MUTYH: variants seen among roughly 807,000 people sequenced by gnomAD.
MUTYH encodes the protein mutY DNA glycosylase.
MUTYH carries 64 observed loss-of-function variants against 72.9 expected under a neutral mutation model. The observed-to-expected ratio is 0.88, with a 90% CI of 0.72 to 1.08. The LOEUF (loss-of-function observed/expected upper bound fraction) is 1.08. MUTYH is among the 50% of genes least tolerant of loss of function. The pLI, the probability that MUTYH is intolerant of heterozygous loss-of-function variation, is 0.00. For missense variants in MUTYH, 633 were observed against 671.0 expected, an observed-to-expected ratio of 0.94 and a Z score of 0.63; for synonymous variants, 234 against 263.1, an observed-to-expected ratio of 0.89 and a Z score of 1.07.
intron 14 of MUTYH, among the ~76,000 whole-genome samples, chr1:45,330,859 CG>C (rs1337795277): frequency 1.3e-5 from 2 of 151,368 alleles, no homozygotes; most frequent in Non-Finnish European, 2.9e-5. Context: ...CTGAGGCGGG[CG>C]GATCACTTGA....
At position 45,331,240 on chromosome 1, in the gene MUTYH, G is replaced by T. The variant is rs200844166; in HGVS notation, c.1334C>A (p.Ala445Asp). 1.1e-5 allele frequency: 18 copies of T among 1,614,130 alleles called. No individual in the cohort carries two copies. Residue 445 changes from alanine (A) to aspartate (D), a missense_variant, in exon 14 of 16, where the codon GCT becomes GAT. Transcript: ENST00000456914. ...QTPVTTVPPGARWLTQEEFHT... is the reference protein window; with the variant it reads ...QTPVTTVPPGDRWLTQEEFHT... ...AAATTCCTCCTGCGTCAGCCAGCGA[G>T]CACCTGGTGGTACGGTGGTCACTGG...
chr1:45,340,160 C>G, upstream of MUTYH: 1 of 1,601,924 alleles, frequency 6.2e-7, no homozygotes, highest in African/African-American at 1.3e-5. Context: ...ACGGCGAGAC[C>G]CCGCCCCATC....
Position 45,332,763 on chromosome 1 carries a change from C to T in MUTYH, c.492G>A (p.Lys164=), listed in dbSNP as rs876660092. The T allele has an allele frequency of 6.8e-6, 11 of 1,614,082 alleles. No individual in the cohort carries two copies. The highest frequency in any genetic ancestry group is 2.7e-5 in the African/African-American group (2 of 74,924). The change falls in exon 7 of 16, where the codon AAG becomes AAA. Residue 164 remains lysine, a splice_region_variant and synonymous_variant. Coordinates refer to ENST00000456914, the MANE Select transcript of MUTYH (RefSeq NM_001048174.2). ...TCCTACCCTCCTGCCATCCCCTTAC[C>T]TTCCGAGCTCCCTCCTGCAGCCGCC... ...RGRRLQEGAR[K]VVEELGGHMP...
At chr1:45,334,102 G>A in intron 2 of MUTYH, 2 of 416,582 alleles carry the variant, frequency 4.8e-6, no homozygotes, top group South Asian at 2.1e-5. Flanking sequence ...TGCCTTCCAG[G>A]CTCAAGCGAT....
chr1:45,337,458 C>G (rs1310428851), intron 1 of MUTYH, among the ~76,000 whole-genome samples: 1 of 152,102 alleles, frequency 6.6e-6, no homozygotes, highest in Non-Finnish European at 1.5e-5. Context: ...CGCCTGGTGA[C>G]ACCCCATTAT....
chr1:45,338,167 G>A, intron 1 of MUTYH: 2 of 517,496 alleles, frequency 3.9e-6, no homozygotes. Context: ...GAGGTGGGGA[G>A]AGGAGGGTCA....
At chr1:45,333,052 T>G (rs1317283582) in intron 5 of MUTYH, 45 bp downstream of exon 5, 2 of 1,613,220 alleles carry the variant, frequency 1.2e-6, no homozygotes, top group East Asian at 4.5e-5. Flanking sequence ...GAGGCTCTCA[T>G]CTGGGGTCTG....
Position 45,332,054 on chromosome 1 carries a change from G to C in MUTYH, c.882C>G (p.Ser294Arg), listed in dbSNP as rs138833473. 2 of 1,614,198 alleles carry C rather than the reference G, an allele frequency of 1.2e-6. No individual in the cohort carries two copies. Among genetic ancestry groups the C allele is most frequent in the Non-Finnish European group, 1.7e-6 (2 of 1,180,024 alleles). Residue 294 changes from serine to arginine, a missense_variant, in exon 11 of 16, where the codon AGC (serine) becomes AGG (arginine). Ser to Arg is a moderately radical substitution (Grantham distance 110). Coordinates refer to ENST00000456914, the MANE Select transcript of MUTYH (RefSeq NM_001048174.2). ...VEQEQLLASG[S>R]LSGSPDVEEC... is the part of the protein sequence containing the mutation. ...CCTCCACGTCAGGACTGCCCGACAG[G>C]CTCCCTGAGGCTAAGAGCTGTTCCT... is the stretch of plus-strand genomic sequence containing the variant.
chr1:45,329,559 G>A, intron 15 of MUTYH, 122 bp from the exon 16 acceptor site: 1 of 1,344,644 alleles, frequency 7.4e-7, no homozygotes, highest in Non-Finnish European at 1.0e-6. Context: ...CTGGAATGCT[G>A]TAGAGCTTTC....
At chr1:45,337,452 T>A (rs1321790039) in intron 1 of MUTYH, among the ~76,000 whole-genome samples, 3 of 152,122 alleles carry the variant, frequency 2.0e-5, no homozygotes, top group African/African-American at 7.2e-5. Flanking sequence ...CCACGGCGCC[T>A]GGTGACACCC....
Position 45,329,442 on chromosome 1 carries a change from G to GA in MUTYH, c.1435-6dup, listed in dbSNP as rs767042797. The GA allele has an allele frequency of 2.5e-6, 4 of 1,612,978 alleles. No individual in the cohort carries two copies. The highest frequency in any genetic ancestry group is 3.4e-6 in the Non-Finnish European group (4 of 1,179,614). ...CACCTGGGACCTTTTGGAACCCTGTGAAAAAATGGAAGGAGGGAGGCCTTG... is the reference window on the plus strand; with the variant it reads ...CACCTGGGACCTTTTGGAACCCTGTGAAAAAAATGGAAGGAGGGAGGCCTTG... On this transcript the variant is annotated splice_polypyrimidine_tract_variant and splice_region_variant and intron_variant, in intron 15 of 15. Coordinates refer to ENST00000456914, the MANE Select transcript of MUTYH (RefSeq NM_001048174.2).
rs2149090096 is a variant in MUTYH at position 45,329,430 on chromosome 1, T to C, written c.1442A>G (p.Lys481Arg). The change falls in exon 16 of 16, where the codon AAA (lysine) becomes AGA (arginine). Residue 481 changes from lysine (K) to arginine (R), a missense_variant. Physicochemically the swap from Lys to Arg is conservative, Grantham distance 26 (BLOSUM62 2). Transcript: ENST00000456914. ...GQQPGTCMGS[K>R]RSQVSSPCSR... The stretch of plus-strand genomic sequence containing the variant: ...GCACGGAGAGGACACCTGGGACCTT[T>C]TGGAACCCTGTGAAAAAATGGAAGG... 6.2e-7 allele frequency: 1 copy of C among 1,614,054 alleles called. No homozygotes were observed. The highest frequency in any genetic ancestry group is 8.5e-7 in the Non-Finnish European group (1 of 1,179,988).
At chr1:45,336,780 A>C (rs1283485596) in intron 1 of MUTYH, among the ~76,000 whole-genome samples, 2 of 152,226 alleles carry the variant, frequency 1.3e-5, no homozygotes, top group Admixed American at 1.3e-4. Context: ...TCACATGGAC[A>C]CACGTGAGAC....
chr1:45,338,190 T>C (rs1003275266), intron 1 of MUTYH: 13 of 524,396 alleles, frequency 2.5e-5, no homozygotes, highest in South Asian at 3.1e-5. Flanking sequence ...AAGTACCTTA[T>C]AGGCCATTGG....
rs1557493547 is a variant in MUTYH at position 45,334,526 on chromosome 1, C to T, written c.-6-15G>A. 1 of 1,614,000 alleles carries T rather than the reference C, an allele frequency of 6.2e-7. No homozygotes were observed. Among genetic ancestry groups the T allele is most frequent in the Non-Finnish European group, 8.5e-7 (1 of 1,179,904 alleles). ...CTCATGATGGCCTGAAACAAAAAGA[C>T]CCAGCCAAAGCAGTCAGTCACAATG... is the stretch of plus-strand genomic sequence containing the variant. On this transcript the variant is annotated splice_polypyrimidine_tract_variant and intron_variant, in intron 1 of 15. Coordinates refer to ENST00000456914, the MANE Select transcript of MUTYH (RefSeq NM_001048174.2).
intron 1 of MUTYH, chr1:45,338,567 G>T: frequency 4.3e-5 from 12 of 281,802 alleles, no homozygotes; most frequent in East Asian, 1.1e-4. Flanking sequence ...GAATTTGACT[G>T]TAAAAAACGA....
At chr1:45,338,394 G>T (rs1005046708) in intron 1 of MUTYH, 11 of 447,530 alleles carry the variant, frequency 2.5e-5, no homozygotes, top group African/African-American at 2.1e-4. Flanking sequence ...CCTCTGTTTG[G>T]ACTCTTTTAT....
intron 15 of MUTYH, 123 bp from the exon 16 acceptor site, chr1:45,329,560 T>A: frequency 7.5e-7 from 1 of 1,338,622 alleles, no homozygotes; most frequent in Non-Finnish European, 1.0e-6. Flanking sequence ...TGGAATGCTG[T>A]AGAGCTTTCA....
At position 45,333,396 on chromosome 1, in the gene MUTYH, G is replaced by A. The variant is rs1365324896; in HGVS notation, c.264+17C>T. 1 of 1,614,104 alleles carries A rather than the reference G, an allele frequency of 6.2e-7. No individual in the cohort carries two copies. Among genetic ancestry groups the A allele is most frequent in the Non-Finnish European group, 8.5e-7 (1 of 1,179,946 alleles). On this transcript the variant is annotated intron_variant, in intron 3 of 15. Coordinates refer to ENST00000456914, the MANE Select transcript of MUTYH (RefSeq NM_001048174.2). Reference sequence around the variant, plus strand: ...TGCCTGCCTCCCACCCACTGTCCCTGCTCCTCGCCTGCCTACCCGTCTTCT... The same window carrying A: ...TGCCTGCCTCCCACCCACTGTCCCTACTCCTCGCCTGCCTACCCGTCTTCT...
Sources: gnomAD v4.1 joint callset for allele counts (sites outside exome capture counted in the v4.1 genomes callset) on GRCh38, gnomAD v4.1.1 for gene constraint, MANE v1.5 for transcripts, NCBI Gene and HGNC (gene_info 2026-07-23, HGNC 2026-07-21) for gene names.